Variants in RAD51B observed in about 807,000 individuals in gnomAD.
RAD51B encodes RAD51 paralog B, also known as DNA repair protein RAD51 homolog 2.
RAD51B carries 38 observed loss-of-function variants against 42.2 expected under a neutral mutation model. The ratio of observed to expected loss-of-function variants is 0.90; its 90% CI spans 0.70 to 1.18. The LOEUF is 1.18. RAD51B is among the 50% of genes most tolerant of loss of function. The pLI is 0.00. For missense variants in RAD51B, 373 were observed against 400.7 expected, an observed-to-expected ratio of 0.93 and a Z score of 0.59; for synonymous variants, 154 against 145.2, an observed-to-expected ratio of 1.06 and a Z score of -0.43.
intron 8 of RAD51B, among the ~76,000 whole-genome samples, chr14:68,312,302 G>A (rs1055651785): frequency 6.6e-5 from 10 of 152,198 alleles, no homozygotes; most frequent in South Asian, 2.1e-4. Context: ...ATGCATGTTC[G>A]GAGCAGAATG....
chr14:68,596,913 C>T (rs190024457), downstream of RAD51B, among the ~76,000 whole-genome samples: 91 of 152,292 alleles, frequency 6.0e-4, no homozygotes, highest in African/African-American at 2.1e-3. Flanking sequence ...CTGTTCCAGC[C>T]GGTCACCTCT....
intron 8 of RAD51B, among the ~76,000 whole-genome samples, chr14:68,368,738 C>T (rs1445054518): frequency 6.6e-6 from 1 of 152,190 alleles, no homozygotes; most frequent in African/African-American, 2.4e-5. Context: ...GTCTAAAGTC[C>T]TAACACAAGA....
At chr14:68,220,718 C>T (rs909220659) in intron 7 of RAD51B, among the ~76,000 whole-genome samples, 10 of 152,144 alleles carry the variant, frequency 6.6e-5, no homozygotes, top group Non-Finnish European at 1.0e-4. Context: ...CAAAAAGACT[C>T]ATCCAAAAAG....
At chr14:68,475,511 A>T (rs1038046161) in intron 10 of RAD51B, among the ~76,000 whole-genome samples, 4 of 152,178 alleles carry the variant, frequency 2.6e-5, no homozygotes, top group African/African-American at 9.7e-5. Flanking sequence ...TGCCCACCCA[A>T]AACAGAATCT....
intron 4 of RAD51B, among the ~76,000 whole-genome samples, chr14:67,849,951 G>T (rs747438983): frequency 6.6e-6 from 1 of 152,096 alleles, no homozygotes; most frequent in East Asian, 1.9e-4. Context: ...GATTTTTCTG[G>T]TGCCAGCATT....
At chr14:68,209,593 A>G (rs562392143) in intron 7 of RAD51B, among the ~76,000 whole-genome samples, 66 of 152,258 alleles carry the variant, frequency 4.3e-4, no homozygotes, top group African/African-American at 1.5e-3. Context: ...AAGAGAAAGG[A>G]GAATATTTAG....
intron 10 of RAD51B, chr14:68,562,646 C>G: frequency 1.0e-6 from 1 of 985,400 alleles, no homozygotes; most frequent in Non-Finnish European, 1.2e-6. Context: ...CTGTGAGGAC[C>G]TAAGCAAATG....
chr14:68,271,191 T>C (rs1172129701), intron 7 of RAD51B, among the ~76,000 whole-genome samples: 1 of 152,206 alleles, frequency 6.6e-6, no homozygotes, highest in Non-Finnish European at 1.5e-5. Flanking sequence ...CTCCCACCAC[T>C]AGAATGTAAA....
chr14:68,498,198 C>T lies in RAD51B; in HGVS notation c.1036+29948C>T, dbSNP rs59621036. On this transcript the variant is annotated intron_variant, in intron 10 of 10. Transcript: ENST00000487270. The stretch of plus-strand genomic sequence containing the variant: ...AGTGGCACAAGACCCTTCTAGAGGG[C>T]TCTGTTCCATGCACACAAAACTCAT... Among the ~76,000 whole-genome samples the T allele has an allele frequency of 5.6e-3, 860 of 152,326 alleles. 14 individuals carry two copies. Among genetic ancestry groups the T allele is most frequent in the African/African-American group, 0.02 (828 of 41,566 alleles).
intron 7 of RAD51B, among the ~76,000 whole-genome samples, chr14:68,224,882 G>A (rs1158523927): frequency 6.6e-6 from 1 of 152,008 alleles, no homozygotes; most frequent in East Asian, 1.9e-4. Flanking sequence ...TAGTAGAGAC[G>A]GGGTTTCACC....
Position 68,061,673 on chromosome 14 carries a change from C to T in RAD51B, c.756+174469C>T, listed in dbSNP as rs1236214846. ...TTTATAGCTACTGTAAATGGGATTG[C>T]TTTCTTGATTTCTTTTTCAGCTAGT... is the stretch of plus-strand genomic sequence containing the variant. On this transcript the variant is annotated intron_variant, in intron 7 of 10. Coordinates refer to ENST00000471583, the MANE Select transcript of RAD51B (RefSeq NM_133510.4). 2.6e-5 allele frequency among the ~76,000 whole-genome samples: 4 copies of T among 151,584 alleles called. No individual in the cohort carries two copies. In the East Asian group the frequency reaches 7.7e-4, roughly 29 times the overall value.
At chr14:68,601,083 T>G (rs1891198047) in intron 10 of RAD51B, among the ~76,000 whole-genome samples, 1 of 152,152 alleles carries the variant, frequency 6.6e-6, no homozygotes, top group Non-Finnish European at 1.5e-5. Context: ...GCTGCTTAAG[T>G]TCCCATGTAG....
intron 7 of RAD51B, among the ~76,000 whole-genome samples, chr14:67,958,197 G>T (rs1466694894): frequency 6.6e-6 from 1 of 152,158 alleles, no homozygotes; most frequent in African/African-American, 2.4e-5. Flanking sequence ...TTTATTTTGT[G>T]TGATAGTAAC....
At chr14:68,059,037 T>A (rs1203528217) in intron 7 of RAD51B, among the ~76,000 whole-genome samples, 2 of 152,148 alleles carry the variant, frequency 1.3e-5, no homozygotes, top group African/African-American at 2.4e-5. Flanking sequence ...CTCCTAACTT[T>A]TTTTTCTTTC....
intron 7 of RAD51B, among the ~76,000 whole-genome samples, chr14:68,222,178 C>T (rs1362070738): frequency 6.6e-6 from 1 of 152,172 alleles, no homozygotes; most frequent in African/African-American, 2.4e-5. Context: ...ATCCAGCCAT[C>T]CCACTACTAG....
rs1312619890 is a variant in RAD51B at position 68,020,440 on chromosome 14, C to T, written c.756+133236C>T. On this transcript the variant is annotated intron_variant, in intron 7 of 10. Transcript: ENST00000471583. ...GCTTTTTTAATGTTTTAACTCTCAG[C>T]GTCTTTTAAAAACATCACTTAAAGT... Among the ~76,000 whole-genome samples the T allele has an allele frequency of 2.0e-5, 3 of 152,110 alleles. No individual in the cohort carries two copies. The East Asian group carries it at 5.8e-4, about 29-fold the overall frequency.
chr14:68,172,705 G>A (rs73288065), intron 7 of RAD51B, among the ~76,000 whole-genome samples: 2,186 of 152,304 alleles, frequency 0.014, 53 homozygotes, highest in African/African-American at 0.049. Context: ...CCGAACCATG[G>A]TTCCTTTCTC....
intron 10 of RAD51B, among the ~76,000 whole-genome samples, chr14:68,519,659 CA>C (rs1317869470): frequency 6.6e-6 from 1 of 152,196 alleles, no homozygotes; most frequent in Non-Finnish European, 1.5e-5. Flanking sequence ...ACAGCATGAG[CA>C]AATGCCCAGA....
intron 10 of RAD51B, among the ~76,000 whole-genome samples, chr14:68,567,962 G>C (rs1196171945): frequency 6.6e-6 from 1 of 152,120 alleles, no homozygotes; most frequent in East Asian, 1.9e-4. Flanking sequence ...ATATGAATGG[G>C]GCCCCTGGAG....
Sources: allele counts gnomAD v4.1 joint callset (sites outside exome capture counted in the v4.1 genomes callset), GRCh38; gene constraint gnomAD v4.1.1; transcripts MANE v1.5; gene names NCBI Gene and HGNC (gene_info 2026-07-23, HGNC 2026-07-21).